The following CFAP300 variants were observed in gnomAD, a reference collection of about 807,000 sequenced individuals.
CFAP300 encodes cilia and flagella associated protein 300, also known as cilia- and flagella-associated protein 300.
Under a neutral mutation model 33.0 loss-of-function variants are expected in CFAP300, and 32 were observed. The observed-to-expected ratio is 0.97, with a 90% confidence interval of 0.73 to 1.30. The LOEUF (loss-of-function observed/expected upper bound fraction) is 1.30. CFAP300 is among the 50% of genes most tolerant of loss of function. The pLI, the probability that CFAP300 is intolerant of heterozygous loss-of-function variation, is 0.00. For missense variants in CFAP300, 356 were observed against 318.1 expected, an observed-to-expected ratio of 1.12 and a Z score of -0.90; for synonymous variants, 102 against 106.8, an observed-to-expected ratio of 0.95 and a Z score of 0.28.
At chr11:102,055,464 C>T (rs1445706717) in intron 2 of CFAP300, among the ~76,000 whole-genome samples, 2 of 147,744 alleles carry the variant, frequency 1.4e-5, no homozygotes, top group African/African-American at 5.0e-5. Context: ...CTTTAGCAGC[C>T]CTCCTAACTC....
chr11:102,076,692 T>C (rs1942399906), intron 5 of CFAP300, among the ~76,000 whole-genome samples: 1 of 152,232 alleles, frequency 6.6e-6, no homozygotes. Flanking sequence ...AAGTTAGTTA[T>C]ATAATTTTAC....
chr11:102,076,411 T>C (rs1942395414), intron 5 of CFAP300, among the ~76,000 whole-genome samples: 1 of 152,224 alleles, frequency 6.6e-6, no homozygotes, highest in African/African-American at 2.4e-5. Flanking sequence ...TAACTAATAG[T>C]AAAAACAATT....
In CFAP300 at chr11:102,053,379, C is replaced by T. The variant is rs1942001036; in HGVS notation, c.192+5483C>T. On this transcript the variant is annotated intron_variant, in intron 2 of 6. Transcript: ENST00000434758. ...CCAGCCTGACAAACATGGAGAAACCCAATCTCTACTAAAAATACAAAATTA... is the reference window on the plus strand; with the variant it reads ...CCAGCCTGACAAACATGGAGAAACCTAATCTCTACTAAAAATACAAAATTA... 1.3e-5 allele frequency among the ~76,000 whole-genome samples: 2 copies of T among 151,804 alleles called. 1 individual carries two copies. Among genetic ancestry groups the T allele is most frequent in the South Asian group, 4.2e-4 (2 of 4,812 alleles).
intron 2 of CFAP300, among the ~76,000 whole-genome samples, chr11:102,048,260 CT>C (rs749749555): frequency 1.4e-4 from 22 of 151,984 alleles, no homozygotes; most frequent in Admixed American, 2.6e-4. Context: ...GAAACAGGGT[CT>C]TTCTCTGTCA....
At chr11:102,054,151 T>C (rs1241112732) in intron 2 of CFAP300, among the ~76,000 whole-genome samples, 2 of 152,200 alleles carry the variant, frequency 1.3e-5, no homozygotes, top group Non-Finnish European at 2.9e-5. Flanking sequence ...CATTTACCAG[T>C]ATACCCCTTT....
In CFAP300 at chr11:102,084,008, C is replaced by T. The variant is rs927785636; in HGVS notation, c.*809C>T. ...CTAGCTCTGGCAACAGAGCAAGACT[C>T]CGTCTCAGAAAAAAAAAAGGTTCTG... On this transcript the variant is annotated 3_prime_UTR_variant, in exon 7 of 7. Coordinates refer to ENST00000434758, the MANE Select transcript of CFAP300 (RefSeq NM_032930.3). 6.7e-6 allele frequency: 1 copy of T among 150,326 alleles called. No individual in the cohort carries two copies. The highest frequency in any genetic ancestry group is 2.5e-5 in the African/African-American group (1 of 40,264). The allele number at this position is 150,326 out of a possible 1,614,324, so 9.3% of individuals were successfully genotyped here. A position where few individuals can be genotyped will look rare whatever the true frequency, so the allele number is the denominator to read the frequency against.
chr11:102,077,867 A>G (rs991599556), intron 5 of CFAP300, among the ~76,000 whole-genome samples: 1 of 151,546 alleles, frequency 6.6e-6, no homozygotes, highest in African/African-American at 2.4e-5. Flanking sequence ...GAGCCACTGC[A>G]CCTGGCCTAT....
intron 2 of CFAP300, among the ~76,000 whole-genome samples, chr11:102,054,909 A>C (rs988933597): frequency 6.6e-6 from 1 of 151,088 alleles, no homozygotes; most frequent in African/African-American, 2.4e-5. Flanking sequence ...ATCCCAATCT[A>C]CTCCTACTCC....
At chr11:102,065,495 G>T (rs997503251) in intron 3 of CFAP300, among the ~76,000 whole-genome samples, 1 of 151,946 alleles carries the variant, frequency 6.6e-6, no homozygotes, top group Non-Finnish European at 1.5e-5. Flanking sequence ...GGCCAGGCGC[G>T]GTTGCTCATG....
At chr11:102,079,149 A>G (rs1338751951) in intron 5 of CFAP300, among the ~76,000 whole-genome samples, 1 of 152,252 alleles carries the variant, frequency 6.6e-6, no homozygotes. Context: ...TAATTTATGT[A>G]TAGTAAAATG....
At chr11:102,048,881 A>G (rs1460077855) in intron 2 of CFAP300, among the ~76,000 whole-genome samples, 1 of 151,860 alleles carries the variant, frequency 6.6e-6, no homozygotes, top group Non-Finnish European at 1.5e-5. Flanking sequence ...TCTGCCATTC[A>G]TGTCCTTCAT....
chr11:102,056,167 C>G (rs1375439486), intron 2 of CFAP300, among the ~76,000 whole-genome samples: 1 of 152,138 alleles, frequency 6.6e-6, no homozygotes, highest in East Asian at 1.9e-4. Flanking sequence ...TTTCCAATAG[C>G]TGCATTCTGT....
chr11:102,052,403 A>C (rs1443144862), intron 2 of CFAP300, among the ~76,000 whole-genome samples: 1 of 152,194 alleles, frequency 6.6e-6, no homozygotes, highest in Admixed American at 6.5e-5. Flanking sequence ...ACTCGCGTGA[A>C]TATTCTTTTA....
At chr11:102,081,607 C>G (rs1369343361) in intron 6 of CFAP300, among the ~76,000 whole-genome samples, 1 of 152,128 alleles carries the variant, frequency 6.6e-6, no homozygotes, top group Non-Finnish European at 1.5e-5. Context: ...AAGAATGCCA[C>G]AAATGTCGCC....
chr11:102,076,603 G>A (rs563290580), intron 5 of CFAP300, among the ~76,000 whole-genome samples: 1 of 152,242 alleles, frequency 6.6e-6, no homozygotes, highest in South Asian at 2.1e-4. Context: ...TGAAATGAAT[G>A]TTCTTTGGTT....
chr11:102,059,166 C>T (rs1942103563), intron 3 of CFAP300, among the ~76,000 whole-genome samples: 1 of 152,130 alleles, frequency 6.6e-6, no homozygotes, highest in Non-Finnish European at 1.5e-5. Context: ...AGCAATTTTT[C>T]TCTCTTTTTA....
Position 102,076,344 on chromosome 11 carries a change from G to A in CFAP300, c.608+299G>A, listed in dbSNP as rs150250001. Reference sequence around the variant, plus strand: ...CCAAGCCTTCTTTTTTTCTTACCAAGCCTCCTTTTAAATCTGAAGGGAACA... The same window carrying A: ...CCAAGCCTTCTTTTTTTCTTACCAAACCTCCTTTTAAATCTGAAGGGAACA... On this transcript the variant is annotated intron_variant, in intron 5 of 6. Coordinates refer to ENST00000434758, the MANE Select transcript of CFAP300 (RefSeq NM_032930.3). 5.3e-3 allele frequency among the ~76,000 whole-genome samples: 800 copies of A among 152,066 alleles called. 3 individuals carry two copies. The highest frequency in any genetic ancestry group is 0.016 in the African/African-American group (654 of 41,466).
chr11:102,057,806 A>G (rs1565390098), intron 2 of CFAP300: 1 of 152,312 alleles, frequency 6.6e-6, no homozygotes, highest in Admixed American at 6.5e-5. Context: ...TTCAGGCCAG[A>G]CAGACCTGGC....
At chr11:102,066,339 C>G (rs960408326) in intron 3 of CFAP300, 146 bp from the exon 4 acceptor site, 1 of 447,420 alleles carries the variant, frequency 2.2e-6, no homozygotes, top group African/African-American at 2.1e-5. Context: ...TAACAAAATT[C>G]ATAAACTAAT....
Sources: allele counts gnomAD v4.1 joint callset (sites outside exome capture counted in the v4.1 genomes callset), GRCh38; gene constraint gnomAD v4.1.1; transcripts MANE v1.5; gene names NCBI Gene and HGNC (gene_info 2026-07-23, HGNC 2026-07-21).